EML6: variants seen among roughly 807,000 people sequenced by gnomAD.
EML6 encodes the protein echinoderm microtubule-associated protein-like 6.
EML6 carries 154 observed loss-of-function variants against 240.1 expected under a neutral mutation model. The ratio of observed to expected loss-of-function variants is 0.64; its 90% CI spans 0.56 to 0.73. EML6 has a LOEUF of 0.73. EML6 is among the 30% of genes least tolerant of loss of function. EML6 has a pLI of 0.00. For missense variants in EML6, 2,964 were observed against 2,474.6 expected, an observed-to-expected ratio of 1.20 and a Z score of -4.20; for synonymous variants, 1,148 against 899.0, an observed-to-expected ratio of 1.28 and a Z score of -4.95.
chr2:54,724,961 T>G lies in EML6; in HGVS notation c.-101T>G. 1 of 1,010,200 alleles carries G rather than the reference T, an allele frequency of 9.9e-7. No homozygotes were observed. The highest frequency in any genetic ancestry group is 4.6e-5 in the South Asian group (1 of 21,824). 62.6% of individuals were successfully genotyped at this position (1,010,200 alleles called of 1,614,324 possible). A position where few individuals can be genotyped will look rare whatever the true frequency, so the allele number is the denominator to read the frequency against. ...TGTGTCGCCGCGGAAATCAGCGCCC[T>G]GCGCCGCGCGCTGAGCCCCTGCAGG... On this transcript the variant is annotated 5_prime_UTR_variant, in exon 2 of 42. Coordinates refer to ENST00000356458, the MANE Select transcript of EML6 (RefSeq NM_001039753.4). The surrounding 1 kb of genome is among the most constrained non-coding windows in gnomAD (Gnocchi z 5.2).
At chr2:54,898,284 C>A (rs1430300896) in intron 21 of EML6, among the ~76,000 whole-genome samples, 1 of 152,062 alleles carries the variant, frequency 6.6e-6, no homozygotes, top group African/African-American at 2.4e-5. Flanking sequence ...TAAGGAAATA[C>A]AATTTTGATG....
chr2:54,875,015 TCC>T (rs1671433938), intron 16 of EML6, among the ~76,000 whole-genome samples: 1 of 152,108 alleles, frequency 6.6e-6, no homozygotes, highest in Non-Finnish European at 1.5e-5. Context: ...TCCAGCCGCT[TCC>T]CTTTGCCGAT....
At chr2:54,849,938 T>C (rs1279088967) in intron 9 of EML6, 24 bp from the exon 10 acceptor site, 4 of 1,536,900 alleles carry the variant, frequency 2.6e-6, no homozygotes, top group Non-Finnish European at 3.5e-6. Context: ...TTGCTGCTTA[T>C]CGTTTTGCTT....
At chr2:54,824,291 A>C (rs1668482698) in intron 5 of EML6, among the ~76,000 whole-genome samples, 1 of 152,224 alleles carries the variant, frequency 6.6e-6, no homozygotes, top group Non-Finnish European at 1.5e-5. Flanking sequence ...TAATTGTCTT[A>C]GCAGACTTGG....
chr2:54,891,226 C>A, intron 18 of EML6, 72 bp downstream of exon 18: 2 of 699,246 alleles, frequency 2.9e-6, no homozygotes, highest in Non-Finnish European at 2.4e-6. Context: ...ACAAAACAAA[C>A]TGTTGCTACT....
chr2:54,873,465 C>T (rs1246314351), intron 16 of EML6, among the ~76,000 whole-genome samples: 1 of 152,172 alleles, frequency 6.6e-6, no homozygotes, highest in African/African-American at 2.4e-5. Flanking sequence ...AGTCCAAACT[C>T]CCGGAAGTGT....
intron 26 of EML6, among the ~76,000 whole-genome samples, chr2:54,918,533 G>C (rs775018437): frequency 6.6e-5 from 10 of 152,056 alleles, no homozygotes; most frequent in Non-Finnish European, 1.2e-4. Flanking sequence ...TTTTTGTAGA[G>C]ATGGGGTCTC....
chr2:54,937,810 A>G lies in EML6; in HGVS notation c.4004+9059A>G, dbSNP rs143977780. On this transcript the variant is annotated intron_variant, in intron 28 of 41. Transcript: ENST00000356458. ...AACAGTGTTTTTATATACTCTATCA[A>G]TCAAACTTTGTGCATTAATTAAATA... Among the ~76,000 whole-genome samples, 241 of 152,274 alleles carry G rather than the reference A, an allele frequency of 1.6e-3. 2 individuals are homozygous for G. The highest frequency in any genetic ancestry group is 4.8e-3 in the African/African-American group (201 of 41,542).
chr2:54,965,716 G>A (rs1399641340), intron 38 of EML6, among the ~76,000 whole-genome samples: 6 of 152,126 alleles, frequency 3.9e-5, no homozygotes, highest in African/African-American at 1.4e-4. Flanking sequence ...GTATTGATCT[G>A]GGTGGGGCCA....
At chr2:54,849,804 A>G (rs1484171135) in intron 9 of EML6, among the ~76,000 whole-genome samples, 158 bp from the exon 10 acceptor site, 1 of 152,206 alleles carries the variant, frequency 6.6e-6, no homozygotes, top group Non-Finnish European at 1.5e-5. Context: ...ATAAATTTTA[A>G]ATAATAACAT....
chr2:54,907,419 A>T (rs1313772662), intron 24 of EML6, among the ~76,000 whole-genome samples: 1 of 152,154 alleles, frequency 6.6e-6, no homozygotes, highest in African/African-American at 2.4e-5. Context: ...AGGCCAGGAG[A>T]ATCGCTTGAA....
intron 17 of EML6, among the ~76,000 whole-genome samples, chr2:54,890,355 A>T (rs973494592): frequency 6.6e-6 from 1 of 152,140 alleles, no homozygotes; most frequent in Non-Finnish European, 1.5e-5. Context: ...ACATTATTAA[A>T]ATTATGTCCT....
intron 2 of EML6, among the ~76,000 whole-genome samples, chr2:54,740,057 A>T (rs1349795721): frequency 6.6e-6 from 1 of 152,134 alleles, no homozygotes; most frequent in Non-Finnish European, 1.5e-5. Context: ...CAGAATGAGG[A>T]GCAGCTTCAG....
intron 7 of EML6, among the ~76,000 whole-genome samples, chr2:54,838,053 C>T (rs1459632984): frequency 6.6e-6 from 1 of 152,194 alleles, no homozygotes; most frequent in East Asian, 1.9e-4. Flanking sequence ...TGGAACATAG[C>T]CTTTTCCTCT....
intron 2 of EML6, among the ~76,000 whole-genome samples, chr2:54,797,177 A>AAAAAAAAAAAAAAAAAAAAC (rs1669850770): frequency 7.5e-5 from 10 of 132,754 alleles, no homozygotes; most frequent in Non-Finnish European, 1.3e-4. Context: ...AAAAAAAAAA[A>AAAAAAAAAAAAAAAAAAAAC]AAAAAAAAAA....
intron 2 of EML6, among the ~76,000 whole-genome samples, chr2:54,727,261 G>A (rs1682953170): frequency 7.2e-6 from 1 of 138,578 alleles, no homozygotes; most frequent in South Asian, 2.2e-4. Context: ...TCAGAGGAAG[G>A]ACTGTATTCA....
chr2:54,816,723 T>C, intron 3 of EML6, 64 bp from the exon 4 acceptor site: 1 of 1,238,472 alleles, frequency 8.1e-7, no homozygotes, highest in African/African-American at 1.5e-5. Flanking sequence ...TAGTAACTAT[T>C]TCTTAACGTG....
Position 54,849,977 on chromosome 2 carries a change from A to G in EML6, c.1203A>G (p.Val401=). The G allele has an allele frequency of 1.3e-6, 2 of 1,551,230 alleles. No homozygotes were observed. Among genetic ancestry groups the G allele is most frequent in the South Asian group, 1.2e-5 (1 of 84,054 alleles). The change falls in exon 10 of 42, where the codon GTA becomes GTG. Residue 401 remains valine, a synonymous_variant. Transcript: ENST00000356458. ...ATTCTTACAGAGATATGACAGAAGT[A>G]GTTCACATCAAAGATCGAAAAGAAG... ...IVLRVRDMTE[V]VHIKDRKEVI... is the part of the protein sequence containing the mutation.
intron 31 of EML6, among the ~76,000 whole-genome samples, chr2:54,953,685 G>A (rs987909864): frequency 1.3e-5 from 2 of 152,092 alleles, no homozygotes; most frequent in East Asian, 1.9e-4. Context: ...TCAGGAGTTT[G>A]AGACCAGCCT....
Sources: gnomAD v4.1 joint callset for allele counts (sites outside exome capture counted in the v4.1 genomes callset) on GRCh38, gnomAD v4.1.1 for gene constraint, Gnocchi (gnomAD v3.1) non-coding constraint, MANE v1.5 for transcripts, NCBI Gene and HGNC (gene_info 2026-07-23, HGNC 2026-07-21) for gene names.